Variants in GNAZ observed in about 807,000 individuals in gnomAD.
GNAZ encodes G protein subunit alpha z.
Under a neutral mutation model 25.4 loss-of-function variants are expected in GNAZ, and 3 were observed. The observed-to-expected ratio is 0.12, with a 90% CI of 0.05 to 0.30. The LOEUF (loss-of-function observed/expected upper bound fraction) is 0.30. Among genes scored for constraint, GNAZ ranks in the 10% least tolerant of loss-of-function variants. GNAZ has a pLI of 1.00. For missense variants in GNAZ, 241 were observed against 501.8 expected (o/e 0.48, Z 4.97); for synonymous variants, 211 against 205.7 (o/e 1.03, Z -0.22).
At chr22:23,077,699 C>T (rs562832008) in intron 1 of GNAZ, among the ~76,000 whole-genome samples, 5 of 152,188 alleles carry the variant, frequency 3.3e-5, no homozygotes, top group Non-Finnish European at 4.4e-5. Flanking sequence ...CTGACCTTGG[C>T]TATGGAGCAG....
At chr22:23,079,751 T>A (rs1451170646) in intron 1 of GNAZ, among the ~76,000 whole-genome samples, 1 of 152,152 alleles carries the variant, frequency 6.6e-6, no homozygotes, top group East Asian at 1.9e-4. Flanking sequence ...GGTAGAATTC[T>A]GGACAGTCAG....
At chr22:23,093,508 A>G (rs973919872) in intron 1 of GNAZ, among the ~76,000 whole-genome samples, 6 of 152,200 alleles carry the variant, frequency 3.9e-5, no homozygotes, top group Admixed American at 2.6e-4. Flanking sequence ...TAGGTCACAC[A>G]TTAGCTGAGG....
At chr22:23,089,450 T>C (rs2068903170) in intron 1 of GNAZ, among the ~76,000 whole-genome samples, 1 of 152,168 alleles carries the variant, frequency 6.6e-6, no homozygotes, top group East Asian at 1.9e-4. Flanking sequence ...GCCCCAGCTC[T>C]ATGCCTAGCA....
chr22:23,080,956 C>T (rs2068660638), intron 1 of GNAZ, among the ~76,000 whole-genome samples: 1 of 152,216 alleles, frequency 6.6e-6, no homozygotes, highest in African/African-American at 2.4e-5. Flanking sequence ...TCTAGAACCC[C>T]CTTGCCCTTC....
chr22:23,075,504 G>A (rs934763541), intron 1 of GNAZ, among the ~76,000 whole-genome samples: 5 of 152,168 alleles, frequency 3.3e-5, no homozygotes, highest in Admixed American at 6.5e-5. Flanking sequence ...GCTTCTTTGC[G>A]TTCATCTCTT....
chr22:23,106,517 C>T (rs1351588420), intron 2 of GNAZ, among the ~76,000 whole-genome samples: 2 of 152,208 alleles, frequency 1.3e-5, no homozygotes, highest in African/African-American at 4.8e-5. Context: ...GACTTGTGTC[C>T]ATCTGGACTG....
chr22:23,118,983 G>A (rs546220524), intron 2 of GNAZ, among the ~76,000 whole-genome samples: 2 of 152,332 alleles, frequency 1.3e-5, no homozygotes, highest in African/African-American at 2.4e-5. Context: ...TTTGCAGGGT[G>A]AGCAGAGCAT....
chr22:23,081,638 A>G (rs2068680197), intron 1 of GNAZ, among the ~76,000 whole-genome samples: 2 of 152,044 alleles, frequency 1.3e-5, no homozygotes, highest in Non-Finnish European at 2.9e-5. Context: ...TGTGGCCAAC[A>G]TGGCAAAACC....
At chr22:23,097,620 G>T (rs557742577) in intron 2 of GNAZ, among the ~76,000 whole-genome samples, 1 of 152,274 alleles carries the variant, frequency 6.6e-6, no homozygotes, top group Non-Finnish European at 1.5e-5. Flanking sequence ...CCTGTTCCCA[G>T]TGTGTATCTG....
At chr22:23,108,510 C>T (rs1424897696) in intron 2 of GNAZ, among the ~76,000 whole-genome samples, 1 of 152,264 alleles carries the variant, frequency 6.6e-6, no homozygotes, top group Admixed American at 6.5e-5. Flanking sequence ...GCCTGGATTA[C>T]ACAGCCTGCC....
At position 23,095,764 on chromosome 22, in the gene GNAZ, G is replaced by T. The variant is rs372925670; in HGVS notation, c.69G>T (p.Leu23=). ...ARRSRRIDRH[L]RSESQRQRRE... The stretch of plus-strand genomic sequence containing the variant: ...GGTCCCGGAGAATTGACCGCCACCT[G>T]CGCTCAGAGAGCCAGCGGCAACGCC... The change falls in exon 2 of 3, where the codon CTG becomes CTT. Residue 23 remains leucine (L), a synonymous_variant. Coordinates refer to ENST00000615612, the MANE Select transcript of GNAZ (RefSeq NM_002073.4). 1.7e-4 allele frequency: 276 copies of T among 1,612,924 alleles called. No homozygotes were observed. The highest frequency in any genetic ancestry group is 2.3e-4 in the Non-Finnish European group (271 of 1,179,952).
intron 2 of GNAZ, among the ~76,000 whole-genome samples, chr22:23,118,666 T>C (rs1445581623): frequency 6.6e-6 from 1 of 152,220 alleles, no homozygotes; most frequent in Middle Eastern, 3.2e-3. Context: ...GGGTCATGGT[T>C]GGCAGAGGCA....
At chr22:23,073,672 A>G (rs996252065) in intron 1 of GNAZ, among the ~76,000 whole-genome samples, 1 of 152,220 alleles carries the variant, frequency 6.6e-6, no homozygotes, top group East Asian at 1.9e-4. Flanking sequence ...GACAGATCCT[A>G]GAGCACATAG....
At chr22:23,105,278 T>C (rs1328595544) in intron 2 of GNAZ, among the ~76,000 whole-genome samples, 3 of 152,234 alleles carry the variant, frequency 2.0e-5, no homozygotes, top group African/African-American at 7.2e-5. Context: ...GAGGAGTGAC[T>C]ATGGGCAAGG....
chr22:23,105,880 G>C (rs537572696), intron 2 of GNAZ, among the ~76,000 whole-genome samples: 1 of 152,352 alleles, frequency 6.6e-6, no homozygotes, highest in African/African-American at 2.4e-5. Context: ...GAAGAGGCCA[G>C]TCCTCCCAGT....
At chr22:23,107,444 G>A (rs1411996307) in intron 2 of GNAZ, among the ~76,000 whole-genome samples, 2 of 152,180 alleles carry the variant, frequency 1.3e-5, no homozygotes. Flanking sequence ...AAAGTCGAGG[G>A]CCTCATGAAA....
At chr22:23,110,751 T>A (rs1358993308) in intron 2 of GNAZ, among the ~76,000 whole-genome samples, 2 of 151,944 alleles carry the variant, frequency 1.3e-5, no homozygotes, top group Non-Finnish European at 2.9e-5. Flanking sequence ...CTGCAGAGAG[T>A]TCATGCCAAG....
intron 1 of GNAZ, among the ~76,000 whole-genome samples, chr22:23,093,929 C>T (rs550973186): frequency 3.3e-5 from 5 of 152,258 alleles, no homozygotes; most frequent in African/African-American, 9.6e-5. Context: ...AAAGCAGGAT[C>T]GCCAGGACTA....
chr22:23,082,251 C>G (rs183963365), intron 1 of GNAZ, among the ~76,000 whole-genome samples: 1 of 151,480 alleles, frequency 6.6e-6, no homozygotes, highest in Non-Finnish European at 1.5e-5. Context: ...GAGTCTCGCC[C>G]TGTTGACCAG....
Sources: gnomAD v4.1 joint callset for allele counts (sites outside exome capture counted in the v4.1 genomes callset) on GRCh38, gnomAD v4.1.1 for gene constraint, MANE v1.5 for transcripts, NCBI Gene and HGNC (gene_info 2026-07-23, HGNC 2026-07-21) for gene names.